Variants in NT5DC2 observed in about 807,000 individuals in gnomAD.
NT5DC2 encodes 5'-nucleotidase domain-containing protein 2.
Under a neutral mutation model 70.0 loss-of-function variants are expected in NT5DC2, and 41 were observed. The observed-to-expected ratio is 0.59, with a 90% CI of 0.46 to 0.76. The LOEUF (loss-of-function observed/expected upper bound fraction) is 0.76, where lower values mean the gene tolerates loss of function less well. Among genes scored for constraint, NT5DC2 ranks in the 30% least tolerant of loss-of-function variants. The pLI, the probability that NT5DC2 is intolerant of heterozygous loss-of-function variation, is 0.00. For missense variants in NT5DC2, 705 were observed against 783.2 expected, an observed-to-expected ratio of 0.90 and a Z score of 1.19; for synonymous variants, 299 against 310.4, an observed-to-expected ratio of 0.96 and a Z score of 0.39.
Position 52,529,468 on chromosome 3 carries a change from G to A in NT5DC2, c.233-134C>T, listed in dbSNP as rs1157563113. 5 of 812,264 alleles carry A rather than the reference G, an allele frequency of 6.2e-6. No individual in the cohort carries two copies. The South Asian group carries it at 6.6e-5, about 11-fold the overall frequency. 50.3% of individuals were successfully genotyped at this position (812,264 alleles called of 1,614,324 possible). A position where few individuals can be genotyped will look rare whatever the true frequency, so the allele number is the denominator to read the frequency against. ...CCACAATGGCACCTCTTATTCCAGTGCTGGAGATGGTCAAACAGGCCCAGA... is the reference window on the plus strand; with the variant it reads ...CCACAATGGCACCTCTTATTCCAGTACTGGAGATGGTCAAACAGGCCCAGA... On this transcript the variant is annotated intron_variant, in intron 1 of 13. Transcript: ENST00000422318. The surrounding 1 kb of genome is among the most constrained non-coding windows in gnomAD (Gnocchi z 4.1).
rs141523667 is a variant in NT5DC2, at chr3:52,528,518, G to A, written c.570C>T (p.Asp190=). 18 of 1,612,620 alleles carry A rather than the reference G, an allele frequency of 1.1e-5. No individual in the cohort carries two copies. The highest frequency in any genetic ancestry group is 5.5e-5 in the South Asian group (5 of 91,054). ...CCCCATACAGCTCAATCACCTCCTC[G>A]TCTGGCACAGGCTGGAGGCCCCTGA... The part of the protein sequence containing the change: ...TAYRGLQPVP[D]EEVIELYGGT... The change falls in exon 5 of 14, where the codon GAC becomes GAT. Residue 190 remains aspartate, a synonymous_variant. Coordinates refer to ENST00000422318, the MANE Select transcript of NT5DC2 (RefSeq NM_001134231.2).
chr3:52,527,177 A>C, intron 10 of NT5DC2, 117 bp downstream of exon 10: 1 of 922,600 alleles, frequency 1.1e-6, no homozygotes, highest in Admixed American at 2.1e-5. Flanking sequence ...TGCCTGTGTG[A>C]GGCTGCTCAG....
chr3:52,530,895 A>T (rs2079350453), intron 1 of NT5DC2, among the ~76,000 whole-genome samples: 1 of 152,140 alleles, frequency 6.6e-6, no homozygotes, highest in Non-Finnish European at 1.5e-5. Flanking sequence ...GGGAGAAGGG[A>T]GCAGGCAGGA....
chr3:52,532,276 G>A (rs1478006687), intron 1 of NT5DC2: 6 of 985,278 alleles, frequency 6.1e-6, no homozygotes, highest in South Asian at 9.4e-5. Context: ...GTAGATCCCC[G>A]TAGTCCTCCC....
chr3:52,527,958 G>T lies in NT5DC2; in HGVS notation c.833-27C>A, dbSNP rs759546240. The T allele has an allele frequency of 3.1e-6, 5 of 1,613,364 alleles. No individual in the cohort carries two copies. The South Asian group carries it at 4.4e-5, about 14-fold the overall frequency. Reference sequence around the variant, plus strand: ...TAATGGGGCAGATGAGTCTGTGAGGGTCAGTCCTGCCACCTGCTCAGGCCG... The same window carrying T: ...TAATGGGGCAGATGAGTCTGTGAGGTTCAGTCCTGCCACCTGCTCAGGCCG... On this transcript the variant is annotated intron_variant, in intron 7 of 13. Transcript: ENST00000422318.
Position 52,533,590 on chromosome 3 carries a change from C to T in NT5DC2, c.148G>A (p.Ala50Thr). The part of the protein sequence containing the change: ...GAHCPGVPRS[A>T]PAQAPTSGAD... ...CCGCTGGTGGGTGCCTGGGCGGGCG[C>T]GGAGCGCGGGACGCCGGGGCAGTGG... Residue 50 changes from alanine to threonine, a missense_variant, in exon 1 of 14, where the codon GCG becomes ACG. Coordinates refer to ENST00000422318, the MANE Select transcript of NT5DC2 (RefSeq NM_001134231.2). 7.8e-7 allele frequency: 1 copy of T among 1,285,948 alleles called. No homozygotes were observed. The highest frequency in any genetic ancestry group is 9.8e-7 in the Non-Finnish European group (1 of 1,017,410). The allele number at this position is 1,285,948 out of a possible 1,614,324, so 79.7% of individuals were successfully genotyped here.
In NT5DC2 at chr3:52,524,869, C is replaced by T. The variant is rs376448274; in HGVS notation, c.1360G>A (p.Ala454Thr). 55 of 1,612,268 alleles carry T rather than the reference C, an allele frequency of 3.4e-5. 1 individual carries two copies. Among genetic ancestry groups the T allele is most frequent in the South Asian group, 2.0e-4 (18 of 91,080 alleles). The change falls in exon 13 of 14, where the codon GCG (alanine) becomes ACG (threonine). Residue 454 changes from alanine (A) to threonine (T), a missense_variant. Coordinates refer to ENST00000422318, the MANE Select transcript of NT5DC2 (RefSeq NM_001134231.2). ...LLERMQTYQD[A>T]ESRQVLAAWM... is the part of the protein sequence containing the mutation. ...GCAGCCAGCACCTGCCTCGACTCCGCGTCCTGATAGGTCTGGGGACACAAA... is the reference window on the plus strand; with the variant it reads ...GCAGCCAGCACCTGCCTCGACTCCGTGTCCTGATAGGTCTGGGGACACAAA...
At chr3:52,527,172 G>T in intron 10 of NT5DC2, 122 bp downstream of exon 10, 2 of 880,834 alleles carry the variant, frequency 2.3e-6, no homozygotes, top group Non-Finnish European at 3.6e-6. Context: ...GCCATTGCCT[G>T]TGTGAGGCTG....
In NT5DC2 at chr3:52,528,799, G is replaced by A. The variant is rs934878622; in HGVS notation, c.492+62C>T. The A allele has an allele frequency of 3.1e-6, 5 of 1,599,824 alleles. No individual in the cohort carries two copies. The African/African-American group carries it at 6.7e-5, about 21-fold the overall frequency. On this transcript the variant is annotated intron_variant, in intron 3 of 13. Transcript: ENST00000422318. ...AGAACCCCAGCTGGATGGGACGGAG[G>A]GGTAATGACCATACCAAGAGGAGGC...
upstream of NT5DC2, chr3:52,534,391 C>G (rs761120252): frequency 5.0e-5 from 69 of 1,386,316 alleles, no homozygotes; most frequent in Non-Finnish European, 6.3e-5. Flanking sequence ...CTTCCCGGTG[C>G]CAGGCCCACG....
In NT5DC2 at chr3:52,532,459, C is replaced by T. The variant is rs960752572; in HGVS notation, c.232+1047G>A. 15 of 985,338 alleles carry T rather than the reference C, an allele frequency of 1.5e-5. No homozygotes were observed. In the Admixed American group the frequency reaches 6.8e-4, roughly 44 times the overall value. 61.0% of individuals were successfully genotyped at this position (985,338 alleles called of 1,614,324 possible). ...AATGACCATTCCTCAGGGGCCTTTA[C>T]CATCCTGCCTTTACTGGTCAAGAAG... is the stretch of plus-strand genomic sequence containing the variant. On this transcript the variant is annotated intron_variant, in intron 1 of 13. Transcript: ENST00000422318.
In NT5DC2 at chr3:52,528,059, G is replaced by A. The variant is rs775427316; in HGVS notation, c.786C>T (p.Asp262=). 75 of 1,611,734 alleles carry A rather than the reference G, an allele frequency of 4.7e-5. No homozygotes were observed. Among genetic ancestry groups the A allele is most frequent in the African/African-American group, 1.2e-4 (9 of 74,900 alleles). The change falls in exon 7 of 14, where the codon GAC becomes GAT. Residue 262 remains aspartate (D), a synonymous_variant. Coordinates refer to ENST00000422318, the MANE Select transcript of NT5DC2 (RefSeq NM_001134231.2). ...GGTACATGAGGCCCTTCACATGCAC[G>A]TCTCGGATGGCGTCCTGGGGGCAGT... ...LYKDVTDAIR[D]VHVKGLMYQW...
rs555617233 is a variant in NT5DC2, at chr3:52,526,972, A to C, written c.1119+322T>G. 1.1e-3 allele frequency among the ~76,000 whole-genome samples: 173 copies of C among 152,216 alleles called. 1 individual carries two copies. Among genetic ancestry groups the C allele is most frequent in the Non-Finnish European group, 2.0e-3 (139 of 68,042 alleles). ...AGCCACGGTGCCTGGCGCACTGGCC[A>C]TTCTGAGAGCTTTATACCACAGCTT... On this transcript the variant is annotated intron_variant, in intron 10 of 13. Coordinates refer to ENST00000422318, the MANE Select transcript of NT5DC2 (RefSeq NM_001134231.2).
At position 52,533,828 on chromosome 3, in the gene NT5DC2, G is replaced by T; in HGVS notation, c.-91C>A. On this transcript the variant is annotated 5_prime_UTR_variant, in exon 1 of 14. Transcript: ENST00000422318. ...CTCCGACTGCGCGCCCGCCACGGTG[G>T]CCTCGTGCTCCTCACGGCGGCCGGC... The T allele has an allele frequency of 1.0e-6, 1 of 979,180 alleles. No individual in the cohort carries two copies. The highest frequency in any genetic ancestry group is 1.2e-6 in the Non-Finnish European group (1 of 827,542). 60.7% of individuals were successfully genotyped at this position (979,180 alleles called of 1,614,324 possible).
At chr3:52,528,731 C>T in intron 3 of NT5DC2, 39 bp from the exon 4 acceptor site, 6 of 1,608,690 alleles carry the variant, frequency 3.7e-6, no homozygotes, top group Non-Finnish European at 5.1e-6. Flanking sequence ...GGTGAGGAGG[C>T]AGTTTCACCG....
chr3:52,530,185 AGGTTCTG>A (rs747683552), intron 1 of NT5DC2, among the ~76,000 whole-genome samples: 139 of 152,344 alleles, frequency 9.1e-4, no homozygotes, highest in Non-Finnish European at 1.6e-3. Flanking sequence ...ACGTGATGTC[AGGTTCTG>A]GGCCATTATC....
At chr3:52,532,894 AT>A (rs1261716190) in intron 1 of NT5DC2, among the ~76,000 whole-genome samples, 4 of 152,130 alleles carry the variant, frequency 2.6e-5, no homozygotes, top group Admixed American at 2.6e-4. Flanking sequence ...TCCTCACGCC[AT>A]TTCTCAGAGG....
At chr3:52,530,547 AG>A (rs2079345761) in intron 1 of NT5DC2, among the ~76,000 whole-genome samples, 1 of 152,168 alleles carries the variant, frequency 6.6e-6, no homozygotes, top group African/African-American at 2.4e-5. Flanking sequence ...AGTTTCTAAA[AG>A]GGTACAAAAA....
chr3:52,528,983 T>C (rs373960261), intron 2 of NT5DC2, 48 bp from the exon 3 acceptor site: 61 of 1,599,492 alleles, frequency 3.8e-5, no homozygotes, highest in Non-Finnish European at 5.1e-5. Flanking sequence ...CTGCCAGACC[T>C]GCTGGCTGGG....
Sources: gnomAD v4.1 joint callset for allele counts (sites outside exome capture counted in the v4.1 genomes callset) on GRCh38, gnomAD v4.1.1 for gene constraint, Gnocchi (gnomAD v3.1) non-coding constraint, MANE v1.5 for transcripts, NCBI Gene and HGNC (gene_info 2026-07-23, HGNC 2026-07-21) for gene names.